The following GTF2F2 variants were observed in gnomAD, a reference collection of about 807,000 sequenced individuals.
The protein encoded by GTF2F2 is general transcription factor IIF subunit 2.
GTF2F2 carries 23 observed loss-of-function variants against 42.2 expected under a neutral mutation model. That is an observed-to-expected ratio of 0.55 (90% CI 0.39 to 0.77). GTF2F2 has a LOEUF of 0.77. Among genes scored for constraint, GTF2F2 ranks in the 30% least tolerant of loss-of-function variants. The pLI is 0.00. For missense variants in GTF2F2, 261 were observed against 287.2 expected (o/e 0.91, Z 0.66); for synonymous variants, 105 against 100.8 (o/e 1.04, Z -0.25).
intron 2 of GTF2F2, among the ~76,000 whole-genome samples, chr13:45,147,701 AT>A (rs2138114807): frequency 6.6e-6 from 1 of 152,362 alleles, no homozygotes; most frequent in South Asian, 2.1e-4. Flanking sequence ...CAGTAAACAA[AT>A]CTGCGGAAAA....
At chr13:45,257,202 A>G (rs1240028063) in intron 6 of GTF2F2, among the ~76,000 whole-genome samples, 1 of 152,172 alleles carries the variant, frequency 6.6e-6, no homozygotes, top group African/African-American at 2.4e-5. Context: ...TTCAGAAACC[A>G]TCTACTGGGC....
At position 45,149,763 on chromosome 13, in the gene GTF2F2, C is replaced by A; in HGVS notation, c.141-7C>A. 6.6e-7 allele frequency: 1 copy of A among 1,509,396 alleles called. No homozygotes were observed. The highest frequency in any genetic ancestry group is 1.4e-5 in the African/African-American group (1 of 70,490). 93.5% of individuals were successfully genotyped at this position (1,509,396 alleles called of 1,614,324 possible). A position where few individuals can be genotyped will look rare whatever the true frequency, so the allele number is the denominator to read the frequency against. The stretch of plus-strand genomic sequence containing the variant: ...TTATTTTAAATATTTCTTTTCCTCT[C>A]CTTTAGGACTCAAGGAAGGACTGAG... On this transcript the variant is annotated splice_region_variant and splice_polypyrimidine_tract_variant and intron_variant, in intron 2 of 7. Transcript: ENST00000340473.
chr13:45,194,050 A>G, intron 4 of GTF2F2: 2 of 1,614,188 alleles, frequency 1.2e-6, no homozygotes, highest in Non-Finnish European at 1.7e-6. Flanking sequence ...GGACACCAGA[A>G]CAATGCGAGA....
intron 7 of GTF2F2, among the ~76,000 whole-genome samples, chr13:45,270,385 T>G (rs1288091162): frequency 1.3e-5 from 2 of 152,148 alleles, no homozygotes; most frequent in Non-Finnish European, 2.9e-5. Flanking sequence ...GCAAAATAAT[T>G]TGTTTCTTAA....
intron 3 of GTF2F2, among the ~76,000 whole-genome samples, chr13:45,150,327 C>G (rs1291664553): frequency 6.6e-6 from 1 of 152,068 alleles, no homozygotes; most frequent in Non-Finnish European, 1.5e-5. Context: ...TTATTCTAAA[C>G]CTTATTATTG....
At chr13:45,146,215 G>A (rs144430745) in intron 2 of GTF2F2, among the ~76,000 whole-genome samples, 2 of 152,200 alleles carry the variant, frequency 1.3e-5, no homozygotes, top group Admixed American at 6.5e-5. Flanking sequence ...TTAAAACAAG[G>A]CCTGGTGCGG....
chr13:45,194,750 G>A, intron 4 of GTF2F2: 3 of 599,976 alleles, frequency 5.0e-6, no homozygotes, highest in Non-Finnish European at 9.0e-6. Flanking sequence ...GTATGCAGGA[G>A]CTTTCTGGAG....
chr13:45,164,456 C>T (rs1185137646), intron 4 of GTF2F2, among the ~76,000 whole-genome samples: 2 of 151,734 alleles, frequency 1.3e-5, no homozygotes, highest in Non-Finnish European at 2.9e-5. Flanking sequence ...CCCTAGTGGC[C>T]AGGTAGTGGC....
intron 7 of GTF2F2, among the ~76,000 whole-genome samples, chr13:45,278,879 A>G (rs1877144527): frequency 7.8e-6 from 1 of 127,526 alleles, no homozygotes; most frequent in African/African-American, 3.2e-5. Context: ...GCTGGAGTAC[A>G]GTGGTGCGAT....
intron 3 of GTF2F2, among the ~76,000 whole-genome samples, chr13:45,150,689 T>G (rs1424276592): frequency 1.6e-5 from 2 of 123,398 alleles, no homozygotes; most frequent in Non-Finnish European, 3.3e-5. Flanking sequence ...AGATGGAGTC[T>G]CATTCTGTCA....
At chr13:45,147,197 A>G (rs1367540613) in intron 2 of GTF2F2, among the ~76,000 whole-genome samples, 3 of 152,176 alleles carry the variant, frequency 2.0e-5, no homozygotes, top group Non-Finnish European at 4.4e-5. Context: ...GCCCACTTCC[A>G]GTCATTTCCT....
chr13:45,269,794 A>G (rs1364051393), intron 7 of GTF2F2, among the ~76,000 whole-genome samples: 1 of 152,078 alleles, frequency 6.6e-6, no homozygotes, highest in East Asian at 1.9e-4. Flanking sequence ...AAATTTACCA[A>G]TATGTTCAAA....
At chr13:45,236,517 A>G (rs539391037) in intron 5 of GTF2F2, among the ~76,000 whole-genome samples, 75 of 136,458 alleles carry the variant, frequency 5.5e-4, no homozygotes, top group Middle Eastern at 7.9e-3. Context: ...ACACACACAC[A>G]CACACACACA....
intron 4 of GTF2F2, among the ~76,000 whole-genome samples, chr13:45,199,243 A>G (rs934575159): frequency 6.6e-6 from 1 of 152,244 alleles, no homozygotes; most frequent in African/African-American, 2.4e-5. Context: ...AAAATTGCCT[A>G]CATTGGTAAA....
At chr13:45,282,365 A>G (rs1441912770) in intron 7 of GTF2F2, among the ~76,000 whole-genome samples, 2 of 152,172 alleles carry the variant, frequency 1.3e-5, no homozygotes, top group African/African-American at 2.4e-5. Flanking sequence ...CATCATTTCC[A>G]TGACCATAGT....
rs542927217 is a variant in GTF2F2, at chr13:45,174,409, A to G, written c.304+22578A>G. ...GAAATAGAACATGTTCAGCCCCTCAAAAGCTGCCAGGTATCCCTCCTTGAT... is the reference window on the plus strand; with the variant it reads ...GAAATAGAACATGTTCAGCCCCTCAGAAGCTGCCAGGTATCCCTCCTTGAT... On this transcript the variant is annotated intron_variant, in intron 4 of 7. Transcript: ENST00000340473. 7.9e-5 allele frequency among the ~76,000 whole-genome samples: 12 copies of G among 152,308 alleles called. No individual in the cohort carries two copies. The South Asian group carries it at 2.5e-3, about 32-fold the overall frequency.
chr13:45,135,550 G>A (rs1373305564), intron 1 of GTF2F2, among the ~76,000 whole-genome samples: 2 of 152,176 alleles, frequency 1.3e-5, no homozygotes, highest in African/African-American at 4.8e-5. Flanking sequence ...GAGCCACCGC[G>A]CCCAGCCCTG....
At chr13:45,200,331 T>G (rs1873113751) in intron 4 of GTF2F2, among the ~76,000 whole-genome samples, 1 of 152,128 alleles carries the variant, frequency 6.6e-6, no homozygotes, top group Admixed American at 6.5e-5. Flanking sequence ...AAAATTAAAT[T>G]TTATTTTTTG....
intron 5 of GTF2F2, among the ~76,000 whole-genome samples, chr13:45,221,085 A>G (rs1874093679): frequency 6.6e-6 from 1 of 151,998 alleles, no homozygotes; most frequent in African/African-American, 2.4e-5. Flanking sequence ...TCAGAGCTCT[A>G]CTTGGATGTC....
Sources: allele counts gnomAD v4.1 joint callset (sites outside exome capture counted in the v4.1 genomes callset), GRCh38; gene constraint gnomAD v4.1.1; transcripts MANE v1.5; gene names NCBI Gene and HGNC (gene_info 2026-07-23, HGNC 2026-07-21).